TAS2R1: variants seen among roughly 807,000 people sequenced by gnomAD.
The protein encoded by TAS2R1 is taste 2 receptor member 1.
For synonymous variants in TAS2R1, 141 were observed against 134.2 expected, an observed-to-expected ratio of 1.05 and a Z score of -0.35; for missense variants, 370 against 353.4, an observed-to-expected ratio of 1.05 and a Z score of -0.38.
the TAS2R1 span, among the ~76,000 whole-genome samples, chr5:9,834,876 T>C: frequency 6.6e-5 from 10 of 152,320 alleles, no homozygotes; most frequent in East Asian, 1.9e-3. Flanking sequence ...CAAGTTAAGA[T>C]GCAGTAAACT....
chr5:9,779,605 C>G, the TAS2R1 span, among the ~76,000 whole-genome samples: 13 of 152,182 alleles, frequency 8.5e-5, no homozygotes, highest in Non-Finnish European at 1.8e-4. Context: ...AATCAGAACA[C>G]ACACATTTAT....
At chr5:9,637,183 T>C (rs149314971) in intron 2 of TAS2R1, among the ~76,000 whole-genome samples, 3,448 of 152,350 alleles carry the variant, frequency 0.023, 59 homozygotes, top group East Asian at 0.083. Flanking sequence ...CCTTCATTTA[T>C]GAAGCTTAGT....
At chr5:9,670,155 AATAG>A (rs1277439182) in intron 1 of TAS2R1, among the ~76,000 whole-genome samples, 4 of 152,196 alleles carry the variant, frequency 2.6e-5, no homozygotes, top group East Asian at 3.8e-4. Context: ...AACTAGAGGA[AATAG>A]ATAAACTCCT....
chr5:9,894,532 G>T, the TAS2R1 span, among the ~76,000 whole-genome samples: 1 of 152,188 alleles, frequency 6.6e-6, no homozygotes, highest in Non-Finnish European at 1.5e-5. Flanking sequence ...CTGGAGGAAG[G>T]CCTCAGAAAA....
chr5:9,702,436 C>G (rs762353949), intron 1 of TAS2R1, among the ~76,000 whole-genome samples: 2 of 152,112 alleles, frequency 1.3e-5, no homozygotes, highest in Non-Finnish European at 2.9e-5. Context: ...ATGCACAGGA[C>G]AGCCCCTCCA....
the TAS2R1 span, among the ~76,000 whole-genome samples, chr5:9,834,888 G>C: frequency 0.9 from 136,379 of 152,222 alleles, 61,109 homozygotes; most frequent in African/African-American, 0.92. Flanking sequence ...CAGTAAACTT[G>C]TCTCTCCCTT....
At chr5:9,663,576 C>T (rs1172219658) in intron 1 of TAS2R1, among the ~76,000 whole-genome samples, 2 of 152,130 alleles carry the variant, frequency 1.3e-5, no homozygotes, top group South Asian at 4.1e-4. Context: ...TAATATGCTA[C>T]CCACGTTAAT....
the TAS2R1 span, among the ~76,000 whole-genome samples, chr5:9,817,554 G>A: frequency 4.6e-5 from 7 of 152,244 alleles, no homozygotes; most frequent in African/African-American, 1.7e-4. Context: ...AGTGGTGATG[G>A]TTGCATGATC....
At chr5:9,704,163 C>T (rs1561383955) in intron 1 of TAS2R1, among the ~76,000 whole-genome samples, 1 of 152,106 alleles carries the variant, frequency 6.6e-6, no homozygotes. Flanking sequence ...CTAGACAGAG[C>T]TAGGATGAAA....
chr5:9,768,877 AG>A, the TAS2R1 span, among the ~76,000 whole-genome samples: 3 of 152,218 alleles, frequency 2.0e-5, no homozygotes, highest in African/African-American at 7.2e-5. Context: ...CAAGGTAAAT[AG>A]GGTATCCATC....
the TAS2R1 span, among the ~76,000 whole-genome samples, chr5:9,777,606 C>T: frequency 6.6e-6 from 1 of 152,210 alleles, no homozygotes; most frequent in African/African-American, 2.4e-5. Flanking sequence ...ATACTTTAAC[C>T]TCTTTCCATG....
chr5:9,900,410 C>A, the TAS2R1 span, among the ~76,000 whole-genome samples: 5 of 152,298 alleles, frequency 3.3e-5, no homozygotes, highest in African/African-American at 1.2e-4. Context: ...TGAATTTCTT[C>A]TCTTATGGAT....
the TAS2R1 span, among the ~76,000 whole-genome samples, chr5:9,835,902 C>T: frequency 2.0e-5 from 3 of 152,316 alleles, 1 homozygote; most frequent in African/African-American, 7.2e-5. Flanking sequence ...TTTGTTAAAA[C>T]TGGATCTGAA....
the TAS2R1 span, among the ~76,000 whole-genome samples, chr5:9,799,289 C>T: frequency 2.6e-5 from 4 of 152,226 alleles, no homozygotes; most frequent in Admixed American, 6.5e-5. Flanking sequence ...ATGCATAGTG[C>T]AAACTAATTA....
chr5:9,690,326 T>C (rs575621699), intron 1 of TAS2R1, among the ~76,000 whole-genome samples: 3 of 152,128 alleles, frequency 2.0e-5, no homozygotes, highest in Non-Finnish European at 4.4e-5. Flanking sequence ...ATTTGTATTA[T>C]TGTGTAGTGA....
chr5:9,848,199 T>C, the TAS2R1 span, among the ~76,000 whole-genome samples: 1 of 152,236 alleles, frequency 6.6e-6, no homozygotes, highest in Non-Finnish European at 1.5e-5. Context: ...TTACAATAAA[T>C]GCCTTCCATC....
At chr5:9,902,822 G>A in the TAS2R1 span, 5 of 151,626 alleles carry the variant, frequency 3.3e-5, no homozygotes, top group Non-Finnish European at 5.9e-5. Flanking sequence ...CACCACCTTT[G>A]AAAATTTTAA....
the TAS2R1 span, among the ~76,000 whole-genome samples, chr5:9,752,525 C>T: frequency 1.3e-5 from 2 of 151,972 alleles, no homozygotes; most frequent in East Asian, 1.9e-4. Context: ...GAATGAAGAA[C>T]TCCCACTTAC....
intron 1 of TAS2R1, among the ~76,000 whole-genome samples, chr5:9,668,256 T>C (rs1366977219): frequency 6.6e-6 from 1 of 152,106 alleles, no homozygotes; most frequent in East Asian, 1.9e-4. Context: ...TTGAGAAATA[T>C]GGGACTATGT....
Sources: gnomAD v4.1 joint callset for allele counts (sites outside exome capture counted in the v4.1 genomes callset) on GRCh38, gnomAD v4.1.1 for gene constraint, MANE v1.5 for transcripts, NCBI Gene and HGNC (gene_info 2026-07-23, HGNC 2026-07-21) for gene names.